ATP2B2: variants seen among roughly 807,000 people sequenced by gnomAD.
ATP2B2 encodes the protein plasma membrane calcium-transporting ATPase 2.
A neutral mutation model predicts 120.0 loss-of-function variants in ATP2B2; 15 were observed. The observed-to-expected ratio is 0.12, with a 90% CI of 0.08 to 0.19. ATP2B2 has a LOEUF of 0.19. Among genes scored for constraint, ATP2B2 ranks in the 10% least tolerant of loss-of-function variants. The pLI, the probability that ATP2B2 is intolerant of heterozygous loss-of-function variation, is 1.00. For synonymous variants in ATP2B2, 694 were observed against 700.3 expected (o/e 0.99, Z 0.14); for missense variants, 1,045 against 1,719.8 (o/e 0.61, Z 6.94).
In ATP2B2 at chr3:10,340,011, T is replaced by C. The variant is rs1574949372; in HGVS notation, c.3237+231A>G. 6.6e-6 allele frequency among the ~76,000 whole-genome samples: 1 copy of C among 152,200 alleles called. No individual in the cohort carries two copies. Among genetic ancestry groups the C allele is most frequent in the Non-Finnish European group, 1.5e-5 (1 of 68,032 alleles). On this transcript the variant is annotated intron_variant, in intron 21 of 22. Transcript: ENST00000360273. The surrounding 1 kb of genome is among the most constrained non-coding windows in gnomAD (Gnocchi z 5.0). ...AAGCTGACGTGATTGAGAGAAAATA[T>C]TACATAAACAACAGGAGCAGTGGTA...
chr3:10,516,486 T>C (rs963095179), intron 3 of ATP2B2, among the ~76,000 whole-genome samples: 2 of 152,160 alleles, frequency 1.3e-5, no homozygotes, highest in African/African-American at 4.8e-5. Flanking sequence ...AAACAGCCAC[T>C]CCCTCTTAGC....
chr3:10,386,931 G>T (rs2061699314), intron 6 of ATP2B2, among the ~76,000 whole-genome samples: 3 of 152,168 alleles, frequency 2.0e-5, no homozygotes, highest in African/African-American at 7.2e-5. Flanking sequence ...AAAAACCACA[G>T]ATCTGGCCCT....
intron 22 of ATP2B2, among the ~76,000 whole-genome samples, chr3:10,335,251 C>A (rs1304166434): frequency 6.6e-6 from 1 of 152,174 alleles, no homozygotes; most frequent in African/African-American, 2.4e-5. Flanking sequence ...TGAGGCTCGA[C>A]CCACCATTTT....
chr3:10,387,611 T>G (rs1368250417), intron 6 of ATP2B2, among the ~76,000 whole-genome samples: 1 of 152,210 alleles, frequency 6.6e-6, no homozygotes, highest in Non-Finnish European at 1.5e-5. Flanking sequence ...TGAAGAGACT[T>G]GAGCTTTTTG....
chr3:10,582,870 T>C (rs529650634), intron 2 of ATP2B2, among the ~76,000 whole-genome samples: 3 of 152,352 alleles, frequency 2.0e-5, no homozygotes, highest in South Asian at 2.1e-4. Flanking sequence ...GCTGGTACCA[T>C]GCATTCTGCA....
At chr3:10,634,378 G>A (rs1363582935) in intron 1 of ATP2B2, among the ~76,000 whole-genome samples, 1 of 152,176 alleles carries the variant, frequency 6.6e-6, no homozygotes, top group Non-Finnish European at 1.5e-5. Flanking sequence ...ATCCCAAGGT[G>A]ACCCCACTGG....
At chr3:10,614,311 G>A (rs1006823176) in intron 2 of ATP2B2, among the ~76,000 whole-genome samples, 1 of 151,856 alleles carries the variant, frequency 6.6e-6, no homozygotes, top group African/African-American at 2.4e-5. Context: ...GCTGGAAGAG[G>A]TATCATATAA....
At chr3:10,605,397 T>C (rs1293840779) in intron 2 of ATP2B2, among the ~76,000 whole-genome samples, 1 of 152,206 alleles carries the variant, frequency 6.6e-6, no homozygotes, top group Admixed American at 6.5e-5. Flanking sequence ...AGCTGGCCTG[T>C]TCACCATCCC....
intron 1 of ATP2B2, among the ~76,000 whole-genome samples, chr3:10,688,495 A>T (rs1286982755): frequency 6.6e-6 from 1 of 152,242 alleles, no homozygotes; most frequent in Non-Finnish European, 1.5e-5. Context: ...GTTCAAGATC[A>T]GCAGGGAAAC....
intron 2 of ATP2B2, among the ~76,000 whole-genome samples, chr3:10,552,440 G>GA (rs1416283502): frequency 1.3e-5 from 2 of 152,180 alleles, no homozygotes; most frequent in Non-Finnish European, 2.9e-5. Flanking sequence ...TGGGGTGAGG[G>GA]AAAAATCCCA....
In ATP2B2 at chr3:10,491,271, G is replaced by A. The variant is rs2065926353; in HGVS notation, c.-320+14194C>T. 2.7e-5 allele frequency among the ~76,000 whole-genome samples: 4 copies of A among 149,708 alleles called. No homozygotes were observed. The South Asian group carries it at 6.3e-4, about 24-fold the overall frequency. On this transcript the variant is annotated intron_variant, in intron 1 of 22. Transcript: ENST00000360273. ...ACGGTGTTTCACTCTTGTCACCCAG[G>A]CTGGAGTGTAGTGGCACCATCTTGG... is the stretch of plus-strand genomic sequence containing the variant.
At chr3:10,335,223 T>A (rs573555811) in intron 22 of ATP2B2, among the ~76,000 whole-genome samples, 1 of 152,302 alleles carries the variant, frequency 6.6e-6, no homozygotes, top group East Asian at 1.9e-4. Flanking sequence ...CTGGGCCTGC[T>A]GGCACCCAGG....
chr3:10,444,056 A>C (rs561803961), intron 2 of ATP2B2, among the ~76,000 whole-genome samples: 1 of 152,322 alleles, frequency 6.6e-6, no homozygotes, highest in Admixed American at 6.5e-5. Context: ...TTGCATACTC[A>C]GGAGTTTTTC....
At chr3:10,590,584 T>G (rs1001800502) in intron 2 of ATP2B2, among the ~76,000 whole-genome samples, 1 of 152,158 alleles carries the variant, frequency 6.6e-6, no homozygotes, top group Non-Finnish European at 1.5e-5. Flanking sequence ...CCCTCCAATG[T>G]GAAGAAAGAG....
intron 2 of ATP2B2, among the ~76,000 whole-genome samples, chr3:10,597,037 A>G (rs1167792521): frequency 2.0e-5 from 3 of 148,374 alleles, no homozygotes; most frequent in African/African-American, 5.0e-5. Flanking sequence ...ACACCCAGAC[A>G]CACACAGGTG....
At chr3:10,544,354 C>T (rs1442499031) in intron 2 of ATP2B2, among the ~76,000 whole-genome samples, 1 of 152,236 alleles carries the variant, frequency 6.6e-6, no homozygotes, top group Non-Finnish European at 1.5e-5. Context: ...ATCCTATCAC[C>T]TGCCTAGGGG....
intron 1 of ATP2B2, among the ~76,000 whole-genome samples, chr3:10,471,792 T>G (rs768961152): frequency 7.2e-5 from 11 of 152,010 alleles, no homozygotes; most frequent in Non-Finnish European, 1.2e-4. Flanking sequence ...TTAAAAAAAT[T>G]AATAATAATT....
intron 3 of ATP2B2, among the ~76,000 whole-genome samples, chr3:10,522,107 A>T (rs1414463539): frequency 6.6e-6 from 1 of 152,198 alleles, no homozygotes; most frequent in Admixed American, 6.5e-5. Context: ...AAATGAATGT[A>T]AATTTTTATT....
chr3:10,531,594 T>C (rs1436139410), intron 3 of ATP2B2, among the ~76,000 whole-genome samples: 1 of 152,202 alleles, frequency 6.6e-6, no homozygotes, highest in African/African-American at 2.4e-5. Context: ...GCTATGGTGA[T>C]TTTTGTGACT....
Sources: allele counts gnomAD v4.1 joint callset (sites outside exome capture counted in the v4.1 genomes callset), GRCh38; gene constraint gnomAD v4.1.1; non-coding constraint Gnocchi (gnomAD v3.1); transcripts MANE v1.5; gene names NCBI Gene and HGNC (gene_info 2026-07-23, HGNC 2026-07-21).